Variants in DENND3 observed in about 807,000 individuals in gnomAD.
The protein encoded by DENND3 is DENN domain containing 3, also known as DENN domain-containing protein 3.
A neutral mutation model predicts 135.1 loss-of-function variants in DENND3; 88 were observed. The ratio of observed to expected loss-of-function variants is 0.65; its 90% CI spans 0.55 to 0.78. The LOEUF (loss-of-function observed/expected upper bound fraction) is 0.78. Among genes scored for constraint, DENND3 ranks in the 30% least tolerant of loss-of-function variants. The probability of loss-of-function intolerance (pLI) is 0.00; values close to 1 mark genes in which losing one functional copy is unlikely to be tolerated. For synonymous variants in DENND3, 693 were observed against 712.3 expected (o/e 0.97, Z 0.43); for missense variants, 1,392 against 1,688.4 (o/e 0.82, Z 3.08).
At chr8:141,129,146 A>G (rs980454030) in intron 1 of DENND3, among the ~76,000 whole-genome samples, 27 of 152,144 alleles carry the variant, frequency 1.8e-4, no homozygotes, top group African/African-American at 6.3e-4. Flanking sequence ...CTCTCTCTTC[A>G]GTCGCTCCCA....
Position 141,168,642 on chromosome 8 carries a change from C to G in DENND3, c.2275+117C>G. On this transcript the variant is annotated intron_variant, in intron 13 of 22. Coordinates refer to ENST00000519811, the MANE Select transcript of DENND3 (RefSeq NM_001352890.3). The surrounding 1 kb of genome is among the most constrained non-coding windows in gnomAD (Gnocchi z 6.2). Reference sequence around the variant, plus strand: ...CTCACTGCAACCTCCACCTCCTGGGCTCAAGCAGTCCTCCCACCTCAGCCT... The same window carrying G: ...CTCACTGCAACCTCCACCTCCTGGGGTCAAGCAGTCCTCCCACCTCAGCCT... 3 of 1,304,354 alleles carry G rather than the reference C, an allele frequency of 2.3e-6. No homozygotes were observed. Among genetic ancestry groups the G allele is most frequent in the Non-Finnish European group, 3.1e-6 (3 of 965,062 alleles). The allele number at this position is 1,304,354 out of a possible 1,614,324, so 80.8% of individuals were successfully genotyped here.
In DENND3 at chr8:141,130,251, A is replaced by G. The variant is rs1304384294; in HGVS notation, c.102+1442A>G. Among the ~76,000 whole-genome samples, 1 of 152,092 alleles carries G rather than the reference A, an allele frequency of 6.6e-6. No homozygotes were observed. The highest frequency in any genetic ancestry group is 1.5e-5 in the Non-Finnish European group (1 of 68,012). ...CTTTATTATTATTATTATGTTAATAATAGAGAGGAGGTCTCACTGTGTTGC... is the reference window on the plus strand; with the variant it reads ...CTTTATTATTATTATTATGTTAATAGTAGAGAGGAGGTCTCACTGTGTTGC... On this transcript the variant is annotated intron_variant, in intron 1 of 22. Coordinates refer to ENST00000519811, the MANE Select transcript of DENND3 (RefSeq NM_001352890.3). This position sits in a 1 kb window ranked among gnomAD's most constrained non-coding sequence, Gnocchi z 4.2.
At chr8:141,135,101 G>A (rs919412955) in intron 1 of DENND3, among the ~76,000 whole-genome samples, 8 of 152,034 alleles carry the variant, frequency 5.3e-5, no homozygotes, top group African/African-American at 1.9e-4. Flanking sequence ...TTCCCAAAGT[G>A]CTGGGATTAC....
chr8:141,157,759 C>CTTTTTTTTTTTTTTTTTTT (rs374868733), intron 8 of DENND3: 1 of 648,504 alleles, frequency 1.5e-6, no homozygotes, highest in African/African-American at 2.1e-5. Flanking sequence ...AAAACTACCT[C>CTTTTTTTTTTTTTTTTTTT]TTTTTTTTTT....
At position 141,137,920 on chromosome 8, in the gene DENND3, A is replaced by T; in HGVS notation, c.386-102A>T. 1 of 1,183,904 alleles carries T rather than the reference A, an allele frequency of 8.4e-7. No homozygotes were observed. The highest frequency in any genetic ancestry group is 1.2e-6 in the Non-Finnish European group (1 of 836,646). The allele number at this position is 1,183,904 out of a possible 1,614,324, so 73.3% of individuals were successfully genotyped here. ...TGGACATGAAGGCACCACCACTGCT[A>T]ACTGTGGAGGTGTGTCCTAAACACT... On this transcript the variant is annotated intron_variant, in intron 2 of 22. Transcript: ENST00000519811. The surrounding 1 kb of genome is among the most constrained non-coding windows in gnomAD (Gnocchi z 4.1).
At position 141,190,814 on chromosome 8, in the gene DENND3, G is replaced by A. The variant is rs372113556; in HGVS notation, c.3379+397G>A. On this transcript the variant is annotated intron_variant, in intron 20 of 22. Transcript: ENST00000519811. ...ACACCTGGGGGCAGCTGGCGAGCCC[G>A]TGCTCTGTTCCCCTCGGCTGCTTGG... Among the ~76,000 whole-genome samples the A allele has an allele frequency of 2.4e-4, 37 of 152,344 alleles. No homozygotes were observed. The East Asian group carries it at 5.0e-3, about 21-fold the overall frequency.
Position 141,155,971 on chromosome 8 carries a change from G to A in DENND3, c.1196+1G>A. 6.3e-7 allele frequency: 1 copy of A among 1,599,800 alleles called. No homozygotes were observed. ...TGGCAGCCCAGACGTTTATTCAGAG[G>A]TAACGGGAAACATTAATGGTATGAA... On this transcript the variant is annotated splice_donor_variant, in intron 8 of 22. Coordinates refer to ENST00000519811, the MANE Select transcript of DENND3 (RefSeq NM_001352890.3). LOFTEE classifies it high-confidence loss of function.
At chr8:141,136,867 C>T (rs1816851793) in intron 2 of DENND3, 76 bp downstream of exon 2, 16 of 1,442,088 alleles carry the variant, frequency 1.1e-5, no homozygotes, top group Non-Finnish European at 1.5e-5. Context: ...CAGAAACCCA[C>T]AGGCAGAGGG....
intron 1 of DENND3, among the ~76,000 whole-genome samples, chr8:141,133,392 C>T (rs1246443213): frequency 6.6e-6 from 1 of 152,138 alleles, no homozygotes; most frequent in Non-Finnish European, 1.5e-5. Context: ...TTGCTTTCTT[C>T]AATGTGGGGA....
chr8:141,129,212 G>A (rs1053579660), intron 1 of DENND3, among the ~76,000 whole-genome samples: 1 of 152,238 alleles, frequency 6.6e-6, no homozygotes, highest in African/African-American at 2.4e-5. Context: ...GGAAGCCGCC[G>A]GAGCCTCACG....
chr8:141,137,409 A>T lies in DENND3; in HGVS notation c.386-613A>T, dbSNP rs1816907249. On this transcript the variant is annotated intron_variant, in intron 2 of 22. Coordinates refer to ENST00000519811, the MANE Select transcript of DENND3 (RefSeq NM_001352890.3). This position sits in a 1 kb window ranked among gnomAD's most constrained non-coding sequence, Gnocchi z 4.1. Reference sequence around the variant, plus strand: ...AAACCATTTGTTCCTGGTGCATTCAAGGCTTTTCCCCTTTGACTTAAAATG... The same window carrying T: ...AAACCATTTGTTCCTGGTGCATTCATGGCTTTTCCCCTTTGACTTAAAATG... Among the ~76,000 whole-genome samples the T allele has an allele frequency of 6.6e-6, 1 of 152,196 alleles. No individual in the cohort carries two copies. Among genetic ancestry groups the T allele is most frequent in the Admixed American group, 6.5e-5 (1 of 15,270 alleles).
chr8:141,151,429 C>T (rs1408150214), intron 6 of DENND3, among the ~76,000 whole-genome samples, 190 bp from the exon 7 acceptor site: 1 of 152,174 alleles, frequency 6.6e-6, no homozygotes, highest in Non-Finnish European at 1.5e-5. Flanking sequence ...GATGTGGAGG[C>T]ACGTTGCTGT....
rs556641510 is a variant in DENND3, at chr8:141,188,725, CG to C, written c.3085-259del. ...GTTCAGGCCGCAGTGACAGTGCTGG[CG>C]GCCGTGGGTTTCGTGTTAATGAATC... is the stretch of plus-strand genomic sequence containing the variant. On this transcript the variant is annotated intron_variant, in intron 18 of 22. Transcript: ENST00000519811. 7.7e-4 allele frequency: 329 copies of C among 429,198 alleles called. 2 individuals carry two copies. The highest frequency in any genetic ancestry group is 1.3e-3 in the Admixed American group (27 of 21,194). 26.6% of individuals were successfully genotyped at this position (429,198 alleles called of 1,614,324 possible).
At chr8:141,149,102 G>T (rs1331440262) in intron 5 of DENND3, among the ~76,000 whole-genome samples, 3 of 152,036 alleles carry the variant, frequency 2.0e-5, no homozygotes, top group Non-Finnish European at 4.4e-5. Context: ...TAGAGACAAG[G>T]TTTCTCCATG....
rs959141905 is a variant in DENND3, at chr8:141,182,204, G to A, written c.2944+1350G>A. ...GGTGTCACCCCCTCTCACAGGCCAT[G>A]TCCGCGGCTTCACAGAGCACCTGGC... On this transcript the variant is annotated intron_variant, in intron 17 of 22. Coordinates refer to ENST00000519811, the MANE Select transcript of DENND3 (RefSeq NM_001352890.3). This position sits in a 1 kb window ranked among gnomAD's most constrained non-coding sequence, Gnocchi z 5.9. 8 of 633,638 alleles carry A rather than the reference G, an allele frequency of 1.3e-5. No individual in the cohort carries two copies. Among genetic ancestry groups the A allele is most frequent in the Non-Finnish European group, 2.0e-6 (1 of 508,902 alleles). The allele number at this position is 633,638 out of a possible 1,614,324, so 39.3% of individuals were successfully genotyped here.
At chr8:141,131,952 C>T (rs1457906933) in intron 1 of DENND3, among the ~76,000 whole-genome samples, 1 of 151,936 alleles carries the variant, frequency 6.6e-6, no homozygotes, top group Non-Finnish European at 1.5e-5. Flanking sequence ...ACTCTTGTGC[C>T]AAGACTTCCA....
At chr8:141,142,860 G>A (rs1247801641) in intron 4 of DENND3, 2 of 158,474 alleles carry the variant, frequency 1.3e-5, no homozygotes, top group African/African-American at 4.8e-5. Context: ...CCAGACACAT[G>A]CCCTTGGAAG....
intron 22 of DENND3, 173 bp from the exon 23 acceptor site, chr8:141,193,860 A>C (rs1360244447): frequency 3.0e-5 from 20 of 675,600 alleles, no homozygotes; most frequent in Non-Finnish European, 5.0e-5. Flanking sequence ...TCTAAGCCCG[A>C]GAAGGGTCCT....
At chr8:141,153,044 T>A (rs924670956) in intron 7 of DENND3, among the ~76,000 whole-genome samples, 3 of 152,034 alleles carry the variant, frequency 2.0e-5, no homozygotes, top group Non-Finnish European at 2.9e-5. Flanking sequence ...ATTGGTGGTT[T>A]GTACAGGGTC....
Sources: gnomAD v4.1 joint callset for allele counts (sites outside exome capture counted in the v4.1 genomes callset) on GRCh38, gnomAD v4.1.1 for gene constraint, Gnocchi (gnomAD v3.1) non-coding constraint, MANE v1.5 for transcripts, NCBI Gene and HGNC (gene_info 2026-07-23, HGNC 2026-07-21) for gene names.